Variants in GLRB observed in about 807,000 individuals in gnomAD.
GLRB encodes the protein glycine receptor subunit beta.
Under a neutral mutation model 54.2 loss-of-function variants are expected in GLRB, and 33 were observed. That is an observed-to-expected ratio of 0.61 (90% CI 0.46 to 0.81). The LOEUF (loss-of-function observed/expected upper bound fraction) is 0.81, where lower values mean the gene tolerates loss of function less well. Ranked by LOEUF, GLRB falls within the 40% of genes least tolerant of loss-of-function variation. The probability of loss-of-function intolerance (pLI) is 0.00; values close to 1 mark genes in which losing one functional copy is unlikely to be tolerated. For missense variants in GLRB, 572 were observed against 584.6 expected (o/e 0.98, Z 0.22); for synonymous variants, 209 against 208.2 (o/e 1.00, Z -0.03).
intron 8 of GLRB, among the ~76,000 whole-genome samples, chr4:157,148,475 TTCTC>T (rs1259259349): frequency 2.0e-5 from 3 of 152,206 alleles, no homozygotes; most frequent in African/African-American, 7.2e-5. Flanking sequence ...TTTTAGATCT[TTCTC>T]CTTTTCTAAC....
At chr4:157,093,553 G>A (rs980508811) in intron 2 of GLRB, among the ~76,000 whole-genome samples, 10 of 151,872 alleles carry the variant, frequency 6.6e-5, no homozygotes, top group Non-Finnish European at 8.8e-5. Context: ...TCAAGAGATC[G>A]AGACCATCCT....
intron 7 of GLRB, among the ~76,000 whole-genome samples, chr4:157,141,398 GA>G (rs1736604230): frequency 6.6e-6 from 1 of 151,808 alleles, no homozygotes; most frequent in South Asian, 2.1e-4. Flanking sequence ...TAACAGCATA[GA>G]AAAATGGGAA....
chr4:157,106,446 A>G (rs1436131614), intron 2 of GLRB, among the ~76,000 whole-genome samples: 1 of 152,118 alleles, frequency 6.6e-6, no homozygotes, highest in East Asian at 1.9e-4. Flanking sequence ...TGTGTCTGTA[A>G]GGGTGTTTTC....
At chr4:157,153,716 A>G (rs1053098897) in intron 9 of GLRB, among the ~76,000 whole-genome samples, 3 of 152,156 alleles carry the variant, frequency 2.0e-5, no homozygotes, top group African/African-American at 4.8e-5. Context: ...ATTTACCCCA[A>G]TGTGCCCCTC....
At chr4:157,099,547 G>C (rs1181879695) in intron 2 of GLRB, among the ~76,000 whole-genome samples, 1 of 152,024 alleles carries the variant, frequency 6.6e-6, no homozygotes, top group Non-Finnish European at 1.5e-5. Flanking sequence ...ATGTTGGCCA[G>C]GCTGTCTGGA....
At chr4:157,092,483 A>C (rs1318380162) in intron 2 of GLRB, among the ~76,000 whole-genome samples, 1 of 152,204 alleles carries the variant, frequency 6.6e-6, no homozygotes, top group Non-Finnish European at 1.5e-5. Context: ...CATGTTTACT[A>C]TTACTCTTGG....
chr4:157,169,144 T>G (rs923931487), intron 9 of GLRB, among the ~76,000 whole-genome samples: 2 of 152,078 alleles, frequency 1.3e-5, no homozygotes, highest in Non-Finnish European at 2.9e-5. Context: ...ATAGAATTAG[T>G]CAATGTATTA....
intron 2 of GLRB, among the ~76,000 whole-genome samples, chr4:157,104,209 A>G (rs1204253737): frequency 6.6e-6 from 1 of 152,102 alleles, no homozygotes; most frequent in Non-Finnish European, 1.5e-5. Context: ...GACTTTTATA[A>G]TGTGAAGTAA....
At chr4:157,096,903 G>A (rs972127404) in intron 2 of GLRB, among the ~76,000 whole-genome samples, 1 of 152,170 alleles carries the variant, frequency 6.6e-6, no homozygotes, top group African/African-American at 2.4e-5. Context: ...AGGCATTGTA[G>A]TGTGCTTTGA....
chr4:157,167,161 G>A (rs781013209), intron 9 of GLRB, among the ~76,000 whole-genome samples: 7 of 152,072 alleles, frequency 4.6e-5, no homozygotes, highest in Non-Finnish European at 8.8e-5. Flanking sequence ...AAAGCATAAT[G>A]AGTACATCTA....
At chr4:157,105,943 A>C (rs1266323703) in intron 2 of GLRB, among the ~76,000 whole-genome samples, 1 of 152,096 alleles carries the variant, frequency 6.6e-6, no homozygotes, top group Non-Finnish European at 1.5e-5. Context: ...TCAAAATTAA[A>C]ATAATTTAAC....
intron 2 of GLRB, 89 bp downstream of exon 2, chr4:157,078,235 C>T: frequency 6.3e-7 from 1 of 1,580,330 alleles, no homozygotes; most frequent in Non-Finnish European, 8.6e-7. Context: ...CACACATCAA[C>T]AAAACTTTTC....
At chr4:157,161,522 C>T (rs1737489066) in intron 9 of GLRB, among the ~76,000 whole-genome samples, 1 of 152,096 alleles carries the variant, frequency 6.6e-6, no homozygotes, top group Non-Finnish European at 1.5e-5. Context: ...TTAGGGCAGG[C>T]CTGGTGGTGA....
At chr4:157,161,149 G>A (rs1387999491) in intron 9 of GLRB, among the ~76,000 whole-genome samples, 2 of 152,060 alleles carry the variant, frequency 1.3e-5, no homozygotes, top group South Asian at 2.1e-4. Flanking sequence ...GACTATGATT[G>A]CAACTTCTGC....
chr4:157,138,860 T>A lies in GLRB; in HGVS notation c.662T>A (p.Val221Glu). The A allele has an allele frequency of 6.4e-7, 1 of 1,560,718 alleles. No individual in the cohort carries two copies. Among genetic ancestry groups the A allele is most frequent in the Non-Finnish European group, 8.8e-7 (1 of 1,132,180 alleles). Residue 221 changes from valine to glutamate, a missense_variant, in exon 7 of 10, where the codon GTG (valine) becomes GAG (glutamate). Transcript: ENST00000264428. ...TTTATCTGGCAGTCAGGAGATCCTG[T>A]GCAATTAGAAAAAATTGCCTTGCCT... ...LRFIWQSGDP[V>E]QLEKIALPQF...
At chr4:157,118,995 C>G (rs1735706374) in intron 2 of GLRB, among the ~76,000 whole-genome samples, 1 of 151,306 alleles carries the variant, frequency 6.6e-6, no homozygotes, top group Admixed American at 6.6e-5. Context: ...TAAAATAAAC[C>G]AAACTCAAAC....
intron 2 of GLRB, among the ~76,000 whole-genome samples, chr4:157,103,809 A>G (rs754127777): frequency 5.9e-5 from 9 of 152,174 alleles, no homozygotes; most frequent in Non-Finnish European, 1.2e-4. Flanking sequence ...TGGTATTACA[A>G]ACGGAATTAT....
intron 4 of GLRB, among the ~76,000 whole-genome samples, chr4:157,134,842 G>T (rs1024330178): frequency 6.6e-6 from 1 of 152,098 alleles, no homozygotes; most frequent in Non-Finnish European, 1.5e-5. Flanking sequence ...ACCAGGATAT[G>T]AGAGAGAAAT....
chr4:157,167,175 C>T (rs578127415), intron 9 of GLRB, among the ~76,000 whole-genome samples: 1 of 152,152 alleles, frequency 6.6e-6, no homozygotes, highest in African/African-American at 2.4e-5. Context: ...ACATCTAAAG[C>T]CTTTATAATG....
Sources: gnomAD v4.1 joint callset for allele counts (sites outside exome capture counted in the v4.1 genomes callset) on GRCh38, gnomAD v4.1.1 for gene constraint, MANE v1.5 for transcripts, NCBI Gene and HGNC (gene_info 2026-07-23, HGNC 2026-07-21) for gene names.